PDE10A: variants seen among roughly 807,000 people sequenced by gnomAD.
PDE10A encodes the protein cAMP and cAMP-inhibited cGMP 3',5'-cyclic phosphodiesterase 10A.
PDE10A carries 39 observed loss-of-function variants against 97.7 expected under a neutral mutation model. That is an observed-to-expected ratio of 0.40 (90% CI 0.31 to 0.52). The LOEUF (loss-of-function observed/expected upper bound fraction) is 0.52. PDE10A is among the 20% of genes least tolerant of loss of function. The probability of loss-of-function intolerance (pLI) is 0.56; values close to 1 mark genes in which losing one functional copy is unlikely to be tolerated. For synonymous variants in PDE10A, 371 were observed against 376.8 expected (o/e 0.98, Z 0.18); for missense variants, 731 against 1,047.8 (o/e 0.70, Z 4.17).
At chr6:165,593,464 A>G (rs1414826557) in intron 1 of PDE10A, among the ~76,000 whole-genome samples, 1 of 152,158 alleles carries the variant, frequency 6.6e-6, no homozygotes, top group Non-Finnish European at 1.5e-5. Context: ...AAAAAGTTCA[A>G]AATGTCCTGG....
chr6:165,375,202 T>C (rs1740809), intron 18 of PDE10A, among the ~76,000 whole-genome samples: 23,938 of 152,188 alleles, frequency 0.16, 2,336 homozygotes, highest in Non-Finnish European at 0.21. Flanking sequence ...TAGAAGTGAC[T>C]AAACTTAGGA....
At chr6:165,865,013 AATGT>A (rs1781001167) in intron 1 of PDE10A, among the ~76,000 whole-genome samples, 1 of 152,226 alleles carries the variant, frequency 6.6e-6, no homozygotes, top group South Asian at 2.1e-4. Flanking sequence ...TTATCTTTAA[AATGT>A]ATGCTTTACC....
chr6:165,483,747 T>C (rs1297850615), intron 2 of PDE10A, among the ~76,000 whole-genome samples: 1 of 152,220 alleles, frequency 6.6e-6, no homozygotes, highest in Non-Finnish European at 1.5e-5. Flanking sequence ...CACCTAGCTA[T>C]GACATTATGG....
At chr6:165,358,206 C>T (rs193119232) in intron 18 of PDE10A, among the ~76,000 whole-genome samples, 37 of 152,190 alleles carry the variant, frequency 2.4e-4, no homozygotes, top group Non-Finnish European at 4.1e-4. Context: ...AATTTATTGA[C>T]AAATTAGGTC....
rs867924238 is a variant in PDE10A at position 165,943,199 on chromosome 6, G to A, written c.-615+44330C>T. 8.2e-3 allele frequency among the ~76,000 whole-genome samples: 395 copies of A among 47,880 alleles called. 25 individuals are homozygous for A. The highest frequency in any genetic ancestry group is 0.015 in the African/African-American group (141 of 9,124). The allele number at this position is 47,880 out of a possible 152,430, so 31.4% of individuals were successfully genotyped here. A position where few individuals can be genotyped will look rare whatever the true frequency, so the allele number is the denominator to read the frequency against. On this transcript the variant is annotated intron_variant, in intron 1 of 19. Coordinates refer to the PDE10A transcript ENST00000366882. ...AAAAAGAAAGAAAGAAAGAAAGAAA[G>A]AAAGAAAGAAAGAAAGAAAGAAAGA...
At chr6:165,758,028 T>G (rs1433410844) in intron 1 of PDE10A, among the ~76,000 whole-genome samples, 1 of 152,244 alleles carries the variant, frequency 6.6e-6, no homozygotes, top group Non-Finnish European at 1.5e-5. Flanking sequence ...ATGTATTATT[T>G]CTTTGATGAA....
intron 5 of PDE10A, among the ~76,000 whole-genome samples, chr6:165,445,136 C>G (rs1790750762): frequency 1.3e-5 from 2 of 152,106 alleles, no homozygotes; most frequent in Non-Finnish European, 2.9e-5. Context: ...ATCTGCTTAC[C>G]TGTGCAAAAG....
intron 1 of PDE10A, among the ~76,000 whole-genome samples, chr6:165,728,262 T>C (rs1259141396): frequency 6.6e-6 from 1 of 152,222 alleles, no homozygotes; most frequent in Non-Finnish European, 1.5e-5. Flanking sequence ...CAGCTGCTTT[T>C]CTGTGCACCT....
At chr6:165,601,167 TTCC>T (rs1325599733) in intron 1 of PDE10A, among the ~76,000 whole-genome samples, 1 of 152,208 alleles carries the variant, frequency 6.6e-6, no homozygotes, top group Non-Finnish European at 1.5e-5. Context: ...CTTTTGCTTC[TTCC>T]TCATTTTTCC....
chr6:165,855,314 G>A (rs982180214), intron 1 of PDE10A, among the ~76,000 whole-genome samples: 2 of 151,084 alleles, frequency 1.3e-5, no homozygotes, highest in African/African-American at 4.9e-5. Context: ...GCGGGGGGGG[G>A]GGGGGACTCA....
At chr6:165,943,222 A>G (rs192416180) in intron 1 of PDE10A, among the ~76,000 whole-genome samples, 1,110 of 64,290 alleles carry the variant, frequency 0.017, 33 homozygotes, top group Non-Finnish European at 0.022. Flanking sequence ...AAAGAAAGAA[A>G]GAAAGAAAGA....
At chr6:165,768,916 G>A (rs755671083) in intron 1 of PDE10A, among the ~76,000 whole-genome samples, 1 of 152,228 alleles carries the variant, frequency 6.6e-6, no homozygotes, top group Non-Finnish European at 1.5e-5. Context: ...ATCGAGCGCC[G>A]CAAAGTCAAT....
intron 1 of PDE10A, among the ~76,000 whole-genome samples, chr6:165,549,566 C>T (rs775778921): frequency 6.6e-6 from 1 of 152,134 alleles, no homozygotes; most frequent in Non-Finnish European, 1.5e-5. Flanking sequence ...CCTCATGATC[C>T]ACCCACCTTG....
At chr6:165,875,624 T>C (rs563134374) in intron 1 of PDE10A, among the ~76,000 whole-genome samples, 234 of 152,280 alleles carry the variant, frequency 1.5e-3, no homozygotes, top group African/African-American at 5.5e-3. Context: ...CAGACCTTCT[T>C]GAGAGTATAC....
intron 9 of PDE10A, 133 bp from the exon 10 acceptor site, chr6:165,428,842 G>T: frequency 2.0e-6 from 1 of 497,998 alleles, no homozygotes; most frequent in Non-Finnish European, 3.5e-6. Flanking sequence ...TGATTTTTCT[G>T]CTTTGGCAAA....
At chr6:165,838,446 A>T (rs773684262) in intron 1 of PDE10A, among the ~76,000 whole-genome samples, 20 of 152,220 alleles carry the variant, frequency 1.3e-4, no homozygotes, top group Non-Finnish European at 2.5e-4. Context: ...ACCCTTTAAA[A>T]TGTACAATCC....
intron 1 of PDE10A, among the ~76,000 whole-genome samples, chr6:165,544,579 A>G (rs1367820388): frequency 2.0e-5 from 3 of 151,766 alleles, no homozygotes; most frequent in African/African-American, 7.3e-5. Flanking sequence ...TAGGTTAAAA[A>G]AAAAAAAAAA....
At chr6:165,428,868 T>C (rs571065602) in intron 9 of PDE10A, among the ~76,000 whole-genome samples, 159 bp from the exon 10 acceptor site, 39 of 152,116 alleles carry the variant, frequency 2.6e-4, no homozygotes, top group Non-Finnish European at 4.9e-4. Context: ...AAATCAGTAC[T>C]GTAATATTAT....
rs1177191281 is a variant in PDE10A at position 165,711,028 on chromosome 6, T to A, written c.-614-167460A>T. 6.6e-6 allele frequency among the ~76,000 whole-genome samples: 1 copy of A among 152,200 alleles called. No homozygotes were observed. The highest frequency in any genetic ancestry group is 1.5e-5 in the Non-Finnish European group (1 of 68,034). ...CGGGTTTCCTTTTTACCTGGCGCAC[T>A]GCAGGGGTCCAGGGTGCCTTCTGCT... On this transcript the variant is annotated intron_variant, in intron 1 of 19. Coordinates refer to the PDE10A transcript ENST00000366882. The surrounding 1 kb of genome is among the most constrained non-coding windows in gnomAD (Gnocchi z 4.5).
Sources: allele counts gnomAD v4.1 joint callset (sites outside exome capture counted in the v4.1 genomes callset), GRCh38; gene constraint gnomAD v4.1.1; non-coding constraint Gnocchi (gnomAD v3.1); transcripts MANE v1.5; gene names NCBI Gene and HGNC (gene_info 2026-07-23, HGNC 2026-07-21).